STAG1: variants seen among roughly 807,000 people sequenced by gnomAD.
The protein encoded by STAG1 is cohesin subunit SA-1.
STAG1 carries 26 observed loss-of-function variants against 170.9 expected under a neutral mutation model. That is an observed-to-expected ratio of 0.15 (90% CI 0.11 to 0.21). The LOEUF is 0.21. STAG1 is among the 10% of genes least tolerant of loss of function. The probability of loss-of-function intolerance (pLI) is 1.00; values close to 1 mark genes in which losing one functional copy is unlikely to be tolerated. For missense variants in STAG1, 964 were observed against 1,509.5 expected, an observed-to-expected ratio of 0.64 and a Z score of 5.99; for synonymous variants, 514 against 497.7, an observed-to-expected ratio of 1.03 and a Z score of -0.44.
chr3:136,457,002 C>G (rs1381474474), intron 13 of STAG1, among the ~76,000 whole-genome samples: 2 of 152,066 alleles, frequency 1.3e-5, no homozygotes, highest in East Asian at 3.9e-4. Context: ...ATAAAAAATG[C>G]CAAAAGGAGT....
chr3:136,582,721 C>T (rs1285831623), intron 4 of STAG1, among the ~76,000 whole-genome samples: 1 of 152,176 alleles, frequency 6.6e-6, no homozygotes, highest in Non-Finnish European at 1.5e-5. Context: ...CTCACTTGAA[C>T]CCAGGAGACG....
chr3:136,630,794 G>C (rs41537550), intron 2 of STAG1, 76 bp downstream of exon 2: 10,359 of 1,008,038 alleles, frequency 0.01, 88 homozygotes, highest in African/African-American at 0.041. Flanking sequence ...TCATCGAAGA[G>C]AGCATTTTGA....
At chr3:136,602,135 C>G (rs1209609546) in intron 4 of STAG1, among the ~76,000 whole-genome samples, 1 of 152,046 alleles carries the variant, frequency 6.6e-6, no homozygotes, top group Non-Finnish European at 1.5e-5. Flanking sequence ...AATCCCAGCA[C>G]TTTGGGAGGC....
intron 21 of STAG1, among the ~76,000 whole-genome samples, chr3:136,405,700 C>T (rs554960236): frequency 3.9e-4 from 49 of 125,076 alleles, no homozygotes; most frequent in Non-Finnish European, 5.0e-4. Context: ...ATTAAAAATA[C>T]AAAAAATTAG....
At chr3:136,576,344 A>G (rs1464019991) in intron 4 of STAG1, among the ~76,000 whole-genome samples, 1 of 152,218 alleles carries the variant, frequency 6.6e-6, no homozygotes, top group Non-Finnish European at 1.5e-5. Context: ...AACTTGTGAC[A>G]CTAATAGGCT....
chr3:136,532,043 A>G (rs1458737969), intron 6 of STAG1, among the ~76,000 whole-genome samples: 4 of 152,106 alleles, frequency 2.6e-5, no homozygotes, highest in Non-Finnish European at 5.9e-5. Flanking sequence ...ACCAAAAATA[A>G]ATTAAAACTA....
chr3:136,429,098 T>C (rs908432843), intron 16 of STAG1, among the ~76,000 whole-genome samples: 7 of 151,092 alleles, frequency 4.6e-5, no homozygotes, highest in Non-Finnish European at 7.4e-5. Flanking sequence ...GATAGCATCA[T>C]TGCACTCCAG....
chr3:136,627,364 T>C (rs10935186), intron 2 of STAG1, among the ~76,000 whole-genome samples: 54,810 of 152,106 alleles, frequency 0.36, 12,449 homozygotes, highest in East Asian at 0.81. Context: ...TGTTAATAGT[T>C]TGACGCTGCC....
intron 16 of STAG1, among the ~76,000 whole-genome samples, chr3:136,431,441 T>A (rs946060011): frequency 6.6e-6 from 1 of 151,734 alleles, no homozygotes; most frequent in African/African-American, 2.4e-5. Context: ...CCTGGCTAAT[T>A]TTTGTATTTT....
chr3:136,464,736 G>C, intron 13 of STAG1, 145 bp downstream of exon 13: 1 of 583,288 alleles, frequency 1.7e-6, no homozygotes. Context: ...GTATACATAG[G>C]CTGTGAGGCT....
At chr3:136,473,715 A>AT in intron 10 of STAG1, 78 bp from the exon 11 acceptor site, 1 of 1,054,166 alleles carries the variant, frequency 9.5e-7, no homozygotes. Flanking sequence ...GAAGACTAAA[A>AT]TTTAGCTTAA....
At chr3:136,594,093 T>C (rs1451668790) in intron 4 of STAG1, among the ~76,000 whole-genome samples, 1 of 152,182 alleles carries the variant, frequency 6.6e-6, no homozygotes, top group African/African-American at 2.4e-5. Context: ...ATCCATTCTA[T>C]TAATAGCTCA....
At chr3:136,431,365 C>A (rs961957486) in intron 16 of STAG1, among the ~76,000 whole-genome samples, 1 of 150,688 alleles carries the variant, frequency 6.6e-6, no homozygotes, top group Non-Finnish European at 1.5e-5. Context: ...CTCTGCCTCC[C>A]GGGTTCAAGA....
intron 4 of STAG1, among the ~76,000 whole-genome samples, chr3:136,575,445 G>A (rs960407667): frequency 1.3e-5 from 2 of 152,100 alleles, no homozygotes; most frequent in African/African-American, 2.4e-5. Context: ...GGCTGGTCTC[G>A]AACATCTGGG....
At chr3:136,474,559 T>G (rs780112857) in intron 10 of STAG1, among the ~76,000 whole-genome samples, 9 of 152,220 alleles carry the variant, frequency 5.9e-5, no homozygotes, top group African/African-American at 9.6e-5. Flanking sequence ...AGTGCCTTCA[T>G]AGCCAATATT....
chr3:136,645,847 CACT>C (rs1306340201), intron 1 of STAG1, among the ~76,000 whole-genome samples: 1 of 152,180 alleles, frequency 6.6e-6, no homozygotes, highest in Non-Finnish European at 1.5e-5. Flanking sequence ...GACCACCTAC[CACT>C]GCTCCTCACA....
intron 4 of STAG1, among the ~76,000 whole-genome samples, chr3:136,586,280 T>A (rs1211752759): frequency 6.6e-6 from 1 of 150,902 alleles, no homozygotes; most frequent in Non-Finnish European, 1.5e-5. Context: ...ACACACATCA[T>A]AATCACAAAC....
At chr3:136,540,066 ACCT>A (rs1400782735) in intron 6 of STAG1, among the ~76,000 whole-genome samples, 5 of 151,788 alleles carry the variant, frequency 3.3e-5, no homozygotes, top group Admixed American at 6.6e-5. Context: ...AATAAAGCTA[ACCT>A]CCTCAACTCC....
chr3:136,378,520 T>C (rs1311839830), intron 22 of STAG1, among the ~76,000 whole-genome samples: 1 of 152,088 alleles, frequency 6.6e-6, no homozygotes, highest in African/African-American at 2.4e-5. Flanking sequence ...CACAGAAAAT[T>C]AGCCGCGCAT....
Sources: allele counts gnomAD v4.1 joint callset (sites outside exome capture counted in the v4.1 genomes callset), GRCh38; gene constraint gnomAD v4.1.1; transcripts MANE v1.5; gene names NCBI Gene and HGNC (gene_info 2026-07-23, HGNC 2026-07-21).